The following DIAPH3 variants were observed in gnomAD, a reference collection of about 807,000 sequenced individuals.
DIAPH3 encodes protein diaphanous homolog 3.
Under a neutral mutation model 144.3 loss-of-function variants are expected in DIAPH3, and 117 were observed. The observed-to-expected ratio is 0.81, with a 90% CI of 0.70 to 0.95. DIAPH3 has a LOEUF of 0.95. Among genes scored for constraint, DIAPH3 ranks in the 40% least tolerant of loss-of-function variants. The pLI, the probability that DIAPH3 is intolerant of heterozygous loss-of-function variation, is 0.00. For missense variants in DIAPH3, 1,421 were observed against 1,412.7 expected, an observed-to-expected ratio of 1.01 and a Z score of -0.09; for synonymous variants, 519 against 488.9, an observed-to-expected ratio of 1.06 and a Z score of -0.81.
At chr13:60,109,720 A>G (rs1294200622) in intron 3 of DIAPH3, among the ~76,000 whole-genome samples, 4 of 152,240 alleles carry the variant, frequency 2.6e-5, no homozygotes, top group Non-Finnish European at 5.9e-5. Flanking sequence ...AAGGTGCAAC[A>G]GCTGGAATAA....
intron 17 of DIAPH3, 70 bp from the exon 18 acceptor site, chr13:59,924,940 T>A: frequency 1.3e-6 from 2 of 1,528,466 alleles, no homozygotes; most frequent in Non-Finnish European, 1.8e-6. Context: ...AAAAGTGAAC[T>A]TTTTATCATT....
rs1436419865 is a variant in DIAPH3 at position 59,848,492 on chromosome 13, G to A, written c.2738-9044C>T. Among the ~76,000 whole-genome samples, 299 of 142,196 alleles carry A rather than the reference G, an allele frequency of 2.1e-3. 2 individuals are homozygous for A. Among genetic ancestry groups the A allele is most frequent in the African/African-American group, 7.1e-3 (273 of 38,434 alleles). The allele number at this position is 142,196 out of a possible 152,430, so 93.3% of individuals were successfully genotyped here. On this transcript the variant is annotated intron_variant, in intron 22 of 27. Transcript: ENST00000400324. The stretch of plus-strand genomic sequence containing the variant: ...TCCCCCCACCCCACCACAGTCCCCA[G>A]AGTGTGATATTCCCCTTCATGTGTC...
intron 10 of DIAPH3, 39 bp from the exon 11 acceptor site, chr13:59,992,225 T>G: frequency 2.0e-6 from 3 of 1,507,142 alleles, no homozygotes; most frequent in Non-Finnish European, 2.8e-6. Context: ...AATGATTTTG[T>G]TTTTAATTAT....
chr13:59,718,680 G>A (rs928308817), intron 27 of DIAPH3, among the ~76,000 whole-genome samples: 3 of 151,992 alleles, frequency 2.0e-5, no homozygotes, highest in Non-Finnish European at 4.4e-5. Context: ...ATATATAATT[G>A]AGACATTTTC....
chr13:59,859,824 T>C (rs1424963777), intron 22 of DIAPH3, among the ~76,000 whole-genome samples: 1 of 152,218 alleles, frequency 6.6e-6, no homozygotes, highest in Non-Finnish European at 1.5e-5. Flanking sequence ...TTGCCCTATC[T>C]CAGGTGATTT....
At chr13:60,002,573 T>C (rs1175234560) in intron 9 of DIAPH3, among the ~76,000 whole-genome samples, 1 of 152,202 alleles carries the variant, frequency 6.6e-6, no homozygotes, top group Non-Finnish European at 1.5e-5. Context: ...AATAGAACTA[T>C]GACAGACTAA....
Position 60,034,034 on chromosome 13 carries a change from G to A in DIAPH3, c.626+8656C>T, listed in dbSNP as rs189430541. Among the ~76,000 whole-genome samples, 717 of 152,238 alleles carry A rather than the reference G, an allele frequency of 4.7e-3. 3 individuals carry two copies. Among genetic ancestry groups the A allele is most frequent in the South Asian group, 0.026 (126 of 4,822 alleles). ...TAAAAATCTTTTACTTAACCGACTT[G>A]GCAATACTCTAAGACATAATAACAA... On this transcript the variant is annotated intron_variant, in intron 5 of 27. Coordinates refer to ENST00000400324, the MANE Select transcript of DIAPH3 (RefSeq NM_001042517.2).
chr13:59,678,147 T>C (rs1443720871), intron 27 of DIAPH3, among the ~76,000 whole-genome samples: 5 of 152,122 alleles, frequency 3.3e-5, no homozygotes, highest in African/African-American at 1.2e-4. Context: ...AGGACCTATG[T>C]GGGGGTTAGG....
At chr13:59,711,832 A>G (rs1826086719) in intron 27 of DIAPH3, among the ~76,000 whole-genome samples, 1 of 152,212 alleles carries the variant, frequency 6.6e-6, no homozygotes, top group Non-Finnish European at 1.5e-5. Context: ...CACTAAAAAA[A>G]AATTGTTGCA....
At chr13:59,941,638 T>G (rs1356513797) in intron 17 of DIAPH3, among the ~76,000 whole-genome samples, 1 of 152,152 alleles carries the variant, frequency 6.6e-6, no homozygotes, top group Non-Finnish European at 1.5e-5. Context: ...AATATCTTGC[T>G]TTGTAAGTGG....
At chr13:59,978,704 G>GA (rs1420011555) in intron 14 of DIAPH3, among the ~76,000 whole-genome samples, 3 of 151,476 alleles carry the variant, frequency 2.0e-5, no homozygotes, top group Non-Finnish European at 4.4e-5. Context: ...TAGCCTTGGG[G>GA]AAAAAATGAA....
chr13:59,936,945 T>G (rs1047333766), intron 17 of DIAPH3, among the ~76,000 whole-genome samples: 4 of 151,956 alleles, frequency 2.6e-5, no homozygotes, highest in Non-Finnish European at 5.9e-5. Flanking sequence ...GGGCGGATCA[T>G]GAGGTCAGGA....
At chr13:59,916,357 TC>T in intron 18 of DIAPH3, 108 bp from the exon 19 acceptor site, 1 of 855,594 alleles carries the variant, frequency 1.2e-6, no homozygotes, top group Non-Finnish European at 1.9e-6. Flanking sequence ...ACAAGAGAAT[TC>T]AAACATTTAA....
At position 59,801,591 on chromosome 13, in the gene DIAPH3, T is replaced by C. The variant is rs935193509; in HGVS notation, c.3163+9197A>G. Reference sequence around the variant, plus strand: ...ATGGCAATTCACTCTAGTCAGGCAATGGTCTCCAAGAATTGCTTGCTCTAA... The same window carrying C: ...ATGGCAATTCACTCTAGTCAGGCAACGGTCTCCAAGAATTGCTTGCTCTAA... On this transcript the variant is annotated intron_variant, in intron 25 of 27. Coordinates refer to ENST00000400324, the MANE Select transcript of DIAPH3 (RefSeq NM_001042517.2). Among the ~76,000 whole-genome samples, 3 of 152,348 alleles carry C rather than the reference T, an allele frequency of 2.0e-5. No homozygotes were observed. The East Asian group carries it at 5.8e-4, about 29-fold the overall frequency.
chr13:59,893,532 G>T (rs2045926661), intron 20 of DIAPH3, among the ~76,000 whole-genome samples: 1 of 151,950 alleles, frequency 6.6e-6, no homozygotes, highest in Non-Finnish European at 1.5e-5. Context: ...AAAACACAAT[G>T]CAGTCAGATC....
At chr13:59,715,295 A>G (rs1335155347) in intron 27 of DIAPH3, among the ~76,000 whole-genome samples, 1 of 152,188 alleles carries the variant, frequency 6.6e-6, no homozygotes, top group Admixed American at 6.5e-5. Context: ...TAGACGATCA[A>G]ATATTTGTTT....
In DIAPH3 at chr13:59,991,288, G is replaced by C. The variant is rs750327727; in HGVS notation, c.1245-14C>G. 2.0e-6 allele frequency: 3 copies of C among 1,494,834 alleles called. No homozygotes were observed. Among genetic ancestry groups the C allele is most frequent in the Non-Finnish European group, 2.8e-6 (3 of 1,073,140 alleles). 92.6% of individuals were successfully genotyped at this position (1,494,834 alleles called of 1,614,324 possible). A position where few individuals can be genotyped will look rare whatever the true frequency, so the allele number is the denominator to read the frequency against. Reference sequence around the variant, plus strand: ...TCATATGCTTCAGTGAGTTGATTAAGGAATATATGGATTTATTTATACTCT... The same window carrying C: ...TCATATGCTTCAGTGAGTTGATTAACGAATATATGGATTTATTTATACTCT... On this transcript the variant is annotated splice_polypyrimidine_tract_variant and intron_variant, in intron 11 of 27. Coordinates refer to ENST00000400324, the MANE Select transcript of DIAPH3 (RefSeq NM_001042517.2).
At chr13:59,945,934 G>A (rs890361622) in intron 17 of DIAPH3, among the ~76,000 whole-genome samples, 13 of 152,162 alleles carry the variant, frequency 8.5e-5, no homozygotes, top group Middle Eastern at 3.4e-3. Flanking sequence ...ATATGCTTAC[G>A]AAGAAAAAAT....
intron 5 of DIAPH3, among the ~76,000 whole-genome samples, chr13:60,034,195 A>G (rs563891545): frequency 6.6e-6 from 1 of 152,366 alleles, no homozygotes; most frequent in African/African-American, 2.4e-5. Context: ...AACCAAAGAA[A>G]CCAAAATATT....
Sources: gnomAD v4.1 joint callset for allele counts (sites outside exome capture counted in the v4.1 genomes callset) on GRCh38, gnomAD v4.1.1 for gene constraint, MANE v1.5 for transcripts, NCBI Gene and HGNC (gene_info 2026-07-23, HGNC 2026-07-21) for gene names.